The following PNISR variants were observed in gnomAD, a reference collection of about 807,000 sequenced individuals.
PNISR encodes arginine/serine-rich protein PNISR.
In PNISR, 20 loss-of-function variants were observed where a neutral mutation model predicts 93.4. The observed-to-expected ratio is 0.21, with a 90% CI of 0.15 to 0.31. The LOEUF (loss-of-function observed/expected upper bound fraction) is 0.31, where lower values mean the gene tolerates loss of function less well. PNISR is among the 10% of genes least tolerant of loss of function. The probability of loss-of-function intolerance (pLI) is 1.00; values close to 1 mark genes in which losing one functional copy is unlikely to be tolerated. For synonymous variants in PNISR, 305 were observed against 306.5 expected, an observed-to-expected ratio of 0.99 and a Z score of 0.05; for missense variants, 893 against 985.4, an observed-to-expected ratio of 0.91 and a Z score of 1.25.
At chr6:99,417,389 C>T (rs538579178) in intron 1 of PNISR, among the ~76,000 whole-genome samples, 1 of 152,310 alleles carries the variant, frequency 6.6e-6, no homozygotes, top group Non-Finnish European at 1.5e-5. Flanking sequence ...CACTTGTCAC[C>T]TAGACTTCAG....
intron 1 of PNISR, 155 bp downstream of exon 1, chr6:99,425,060 C>G (rs1317375362): frequency 1.4e-5 from 6 of 418,926 alleles, no homozygotes; most frequent in Non-Finnish European, 2.4e-5. Context: ...TTTACCAAGT[C>G]TGGCGGACCG....
At chr6:99,417,626 C>A (rs75377200) in intron 1 of PNISR, among the ~76,000 whole-genome samples, 1 of 152,206 alleles carries the variant, frequency 6.6e-6, no homozygotes, top group East Asian at 1.9e-4. Context: ...CCCACCATCA[C>A]TTTTGGTAGC....
At position 99,400,472 on chromosome 6, in the gene PNISR, C is replaced by A; in HGVS notation, c.*68G>T. On this transcript the variant is annotated 3_prime_UTR_variant, in exon 12 of 12. Coordinates refer to ENST00000369239, the MANE Select transcript of PNISR (RefSeq NM_032870.4). ...GTTTATTAAAGAGAGAGAGAAAGGA[C>A]ACTTTCAACTTTGAATAAATTCAGT... 1 of 1,531,264 alleles carries A rather than the reference C, an allele frequency of 6.5e-7. No homozygotes were observed. The highest frequency in any genetic ancestry group is 1.3e-5 in the South Asian group (1 of 77,116). The allele number at this position is 1,531,264 out of a possible 1,614,324, so 94.9% of individuals were successfully genotyped here. A position where few individuals can be genotyped will look rare whatever the true frequency, so the allele number is the denominator to read the frequency against.
At chr6:99,405,194 G>T (rs1002767502) in intron 8 of PNISR, among the ~76,000 whole-genome samples, 10 of 152,180 alleles carry the variant, frequency 6.6e-5, no homozygotes, top group African/African-American at 2.4e-4. Context: ...GCTGGGTGCA[G>T]TGGCTCACAC....
intron 11 of PNISR, among the ~76,000 whole-genome samples, chr6:99,402,035 A>G (rs1355028827): frequency 6.6e-6 from 1 of 152,184 alleles, no homozygotes; most frequent in African/African-American, 2.4e-5. Flanking sequence ...GTGTGAGGCA[A>G]GTAGGAAAAG....
chr6:99,418,266 T>C (rs1257292210), intron 1 of PNISR, among the ~76,000 whole-genome samples: 1 of 151,806 alleles, frequency 6.6e-6, no homozygotes, highest in Admixed American at 6.6e-5. Flanking sequence ...GCCTCCTGAG[T>C]AGCTGGGATT....
intron 4 of PNISR, chr6:99,411,959 C>T: frequency 4.5e-6 from 1 of 224,058 alleles, no homozygotes; most frequent in Non-Finnish European, 9.1e-6. Flanking sequence ...TCCATAGTTT[C>T]AAGTGACTAT....
In PNISR at chr6:99,398,840, T is replaced by G. The variant is rs1775145257; in HGVS notation, c.*1700A>C. ...GCACATTTTATTTTGTCTCCAGATG[T>G]GATCGATGTCTAAACTATATAGAAT... On this transcript the variant is annotated 3_prime_UTR_variant, in exon 12 of 12. Transcript: ENST00000369239. The G allele has an allele frequency of 6.6e-6, 1 of 152,150 alleles. No individual in the cohort carries two copies. The highest frequency in any genetic ancestry group is 1.5e-5 in the Non-Finnish European group (1 of 67,958). The allele number at this position is 152,150 out of a possible 1,614,324, so 9.4% of individuals were successfully genotyped here.
rs1172604459 is a variant in PNISR, at chr6:99,400,743, C to A, written c.2215G>T (p.Asp739Tyr). The change falls in exon 12 of 12, where the codon GAT becomes TAT. Residue 739 changes from aspartate (D) to tyrosine (Y), a missense_variant. Physicochemically the swap from Asp to Tyr is radical, Grantham distance 160. Around this residue, in one of 3 missense-constraint regions of PNISR, gnomAD observed 866 missense variants for 935.1 expected, o/e 0.93. Coordinates refer to ENST00000369239, the MANE Select transcript of PNISR (RefSeq NM_032870.4). ...TCTTTGGTAGTACTTTTCTTACTAT[C>A]CTGTCTAGAATCATGTCTTATGATT... is the stretch of plus-strand genomic sequence containing the variant. ...VKIIRHDSRQDSKKSTTKDSK... is the reference protein window; with the variant it reads ...VKIIRHDSRQYSKKSTTKDSK... The A allele has an allele frequency of 1.9e-6, 3 of 1,611,482 alleles. No individual in the cohort carries two copies. The highest frequency in any genetic ancestry group is 2.5e-6 in the Non-Finnish European group (3 of 1,178,776).
chr6:99,400,725 T>A lies in PNISR; in HGVS notation c.2233A>T (p.Thr745Ser), dbSNP rs770668733. Residue 745 changes from threonine (T) to serine (S), a missense_variant, in exon 12 of 12, where the codon ACC becomes TCC. Physicochemically the swap from Thr to Ser is moderately conservative, Grantham distance 58 (BLOSUM62 1). This residue lies in a region of PNISR where 866 missense variants were observed against 935.1 expected (regional missense o/e 0.93). Transcript: ENST00000369239. The stretch of plus-strand genomic sequence containing the variant: ...CCTGAATGTTTTTTACTATCTTTGG[T>A]AGTACTTTTCTTACTATCCTGTCTA... ...DSRQDSKKST[T>S]KDSKKHSGSD... 8 of 1,612,980 alleles carry A rather than the reference T, an allele frequency of 5.0e-6. No individual in the cohort carries two copies. The Admixed American group carries it at 1.3e-4, about 27-fold the overall frequency.
Position 99,398,640 on chromosome 6 carries a change from A to G in PNISR, c.*1900T>C, listed in dbSNP as rs768612013. 1 of 152,124 alleles carries G rather than the reference A, an allele frequency of 6.6e-6. No individual in the cohort carries two copies. Among genetic ancestry groups the G allele is most frequent in the African/African-American group, 2.4e-5 (1 of 41,456 alleles). The allele number at this position is 152,124 out of a possible 1,614,324, so 9.4% of individuals were successfully genotyped here. ...GTTCATAACTTGCCCAAAAATGTGCATATCATAGCCAACAGAATTTTTCTG... is the reference window on the plus strand; with the variant it reads ...GTTCATAACTTGCCCAAAAATGTGCGTATCATAGCCAACAGAATTTTTCTG... On this transcript the variant is annotated 3_prime_UTR_variant, in exon 12 of 12. Transcript: ENST00000369239.
chr6:99,400,760 CTTA>C lies in PNISR; in HGVS notation c.2195_2197del (p.Ile732del). On this transcript the variant is annotated inframe_deletion, in exon 12 of 12. Coordinates refer to ENST00000369239, the MANE Select transcript of PNISR (RefSeq NM_032870.4). Reference sequence around the variant, plus strand: ...CTTACTATCCTGTCTAGAATCATGTCTTATGATTTTAACAGATATAGAACCACT... The same window carrying C: ...CTTACTATCCTGTCTAGAATCATGTCTGATTTTAACAGATATAGAACCACT... 1 of 1,606,266 alleles carries C rather than the reference CTTA, an allele frequency of 6.2e-7. No homozygotes were observed. Among genetic ancestry groups the C allele is most frequent in the South Asian group, 1.1e-5 (1 of 90,284 alleles).
chr6:99,406,008 T>C (rs1364287821), intron 8 of PNISR, 23 bp downstream of exon 8: 15 of 1,558,556 alleles, frequency 9.6e-6, no homozygotes, highest in Admixed American at 7.4e-5. Flanking sequence ...TCCATGTACA[T>C]AGTAAGAACT....
Position 99,400,961 on chromosome 6 carries a change from T to C in PNISR, c.1997A>G (p.Lys666Arg). 2 of 1,603,238 alleles carry C rather than the reference T, an allele frequency of 1.2e-6. No homozygotes were observed. The highest frequency in any genetic ancestry group is 1.7e-6 in the Non-Finnish European group (2 of 1,170,204). Residue 666 changes from lysine (K) to arginine (R), a missense_variant, in exon 12 of 12, where the codon AAA becomes AGA. Transcript: ENST00000369239. The part of the protein sequence containing the change: ...HKGEAKEQER[K>R]KERSRSIDKD... The stretch of plus-strand genomic sequence containing the variant: ...ATCTATACTTCGACTCCTCTCCTTT[T>C]TCCTCTCTTGTTCTTTAGCCTCACC...
chr6:99,411,079 T>A, intron 4 of PNISR, 115 bp from the exon 5 acceptor site: 1 of 718,534 alleles, frequency 1.4e-6, no homozygotes, highest in Non-Finnish European at 2.4e-6. Flanking sequence ...AAAAACAACT[T>A]ATGACTTCTT....
chr6:99,425,237 T>G lies in PNISR; in HGVS notation c.-134A>C, dbSNP rs530113066. 2.4e-5 allele frequency: 29 copies of G among 1,232,174 alleles called. No homozygotes were observed. In the South Asian group the frequency reaches 9.5e-4, roughly 40 times the overall value. 76.3% of individuals were successfully genotyped at this position (1,232,174 alleles called of 1,614,324 possible). The stretch of plus-strand genomic sequence containing the variant: ...TACCCACTCTAGTTCGGGAACACCC[T>G]TGTCGCCGCCGTTCCGGTAACACCT... On this transcript the variant is annotated 5_prime_UTR_variant, in exon 1 of 12. Transcript: ENST00000369239.
At chr6:99,415,784 G>T (rs2128491042) in intron 2 of PNISR, 1 of 152,214 alleles carries the variant, frequency 6.6e-6, no homozygotes, top group Admixed American at 6.5e-5. Context: ...TGTATTGCAG[G>T]ATCACAAAAA....
At chr6:99,420,205 A>C (rs1410354219) in intron 1 of PNISR, among the ~76,000 whole-genome samples, 4 of 152,168 alleles carry the variant, frequency 2.6e-5, no homozygotes, top group Non-Finnish European at 5.9e-5. Flanking sequence ...TTAAAAAGAA[A>C]AGGCCTCAAG....
At chr6:99,411,567 C>G (rs143292427) in intron 4 of PNISR, among the ~76,000 whole-genome samples, 1 of 152,152 alleles carries the variant, frequency 6.6e-6, no homozygotes, top group African/African-American at 2.4e-5. Flanking sequence ...CTCACAGTAT[C>G]AAAGACTAGA....
Sources: gnomAD v4.1 joint callset for allele counts (sites outside exome capture counted in the v4.1 genomes callset) on GRCh38, gnomAD v4.1.1 for gene constraint, gnomAD v4.1.1 regional missense constraint, MANE v1.5 for transcripts, NCBI Gene and HGNC (gene_info 2026-07-23, HGNC 2026-07-21) for gene names.